The following MTERF1 variants were observed in gnomAD, a reference collection of about 807,000 sequenced individuals.
The protein encoded by MTERF1 is transcription termination factor 1, mitochondrial.
Under a neutral mutation model 31.6 loss-of-function variants are expected in MTERF1, and 29 were observed. The ratio of observed to expected loss-of-function variants is 0.92; its 90% CI spans 0.68 to 1.25. The LOEUF is 1.25. Ranked by LOEUF, MTERF1 falls within the 50% of genes most tolerant of loss-of-function variation. The pLI is 0.00. For synonymous variants in MTERF1, 152 were observed against 164.1 expected (o/e 0.93, Z 0.57); for missense variants, 500 against 469.1 (o/e 1.07, Z -0.61).
chr7:91,879,389 G>A (rs6943101), intron 2 of MTERF1, among the ~76,000 whole-genome samples: 5,665 of 152,096 alleles, frequency 0.037, 314 homozygotes, highest in African/African-American at 0.12. Context: ...TATTAAAGGC[G>A]GGGAGGGGGA....
Position 91,873,597 on chromosome 7 carries a change from G to T in MTERF1, c.1197C>A (p.Ala399=), listed in dbSNP as rs982111065. The part of the protein sequence containing the change: ...EAKLKKLSRF[A] ...AGAATTAAAAACATTGGCATCCTTA[G>T]GCAAATCTGCTTAACTTTTTCAATT... The change falls in exon 3 of 3, where the codon GCC becomes GCA. Residue 399 remains alanine (A), a synonymous_variant. Transcript: ENST00000351870. 6.3e-7 allele frequency: 1 copy of T among 1,599,792 alleles called. No individual in the cohort carries two copies. Among genetic ancestry groups the T allele is most frequent in the Non-Finnish European group, 8.5e-7 (1 of 1,174,114 alleles).
chr7:91,879,911 T>C lies in MTERF1; in HGVS notation c.29+144A>G, dbSNP rs1203260188. The C allele has an allele frequency of 1.1e-5, 9 of 850,096 alleles. No individual in the cohort carries two copies. In the African/African-American group the frequency reaches 1.2e-4, roughly 11 times the overall value. The allele number at this position is 850,096 out of a possible 1,614,324, so 52.7% of individuals were successfully genotyped here. A position where few individuals can be genotyped will look rare whatever the true frequency, so the allele number is the denominator to read the frequency against. ...AGTATGAGGGGTCTAAAAAAAGATT[T>C]ACGTTCGCCTCTGCCCCACAACTGG... On this transcript the variant is annotated intron_variant, in intron 2 of 2. Transcript: ENST00000351870.
In MTERF1 at chr7:91,873,794, A is replaced by G. The variant is rs376668678; in HGVS notation, c.1000T>C (p.Cys334Arg). 6 of 1,614,152 alleles carry G rather than the reference A, an allele frequency of 3.7e-6. No individual in the cohort carries two copies. The highest frequency in any genetic ancestry group is 3.3e-5 in the Admixed American group (2 of 60,020). Residue 334 changes from cysteine to arginine, a missense_variant, in exon 3 of 3, where the codon TGC becomes CGC. Physicochemically the swap from Cys to Arg is radical, Grantham distance 180. Transcript: ENST00000351870. Reference protein sequence around the residue: ...AEKKFNDKIDCLMEENISISQ... With the variant: ...AEKKFNDKIDRLMEENISISQ... ...ATGCTAATGTTTTCTTCCATGAGGC[A>G]GTCTATTTTATCATTAAACTTTTTC...
At chr7:91,879,955 A>T in intron 2 of MTERF1, 100 bp downstream of exon 2, 1 of 1,409,974 alleles carries the variant, frequency 7.1e-7, no homozygotes, top group South Asian at 1.2e-5. Flanking sequence ...AAAGGCTGTT[A>T]ATGGAAATAA....
At position 91,871,688 on chromosome 7, in the gene MTERF1, TGG is replaced by T. The variant is rs757826368; in HGVS notation, c.*1904_*1905del. The T allele has an allele frequency of 2.6e-5, 4 of 152,338 alleles. 1 individual carries two copies. 9.4% of individuals were successfully genotyped at this position (152,338 alleles called of 1,614,324 possible). Reference sequence around the variant, plus strand: ...AAACAGATTCATTTTTGCTTAGGCTTGGGGGAACAAATGGAGGGAAATAATGG... The same window carrying T: ...AAACAGATTCATTTTTGCTTAGGCTTGGGAACAAATGGAGGGAAATAATGG... On this transcript the variant is annotated 3_prime_UTR_variant, in exon 3 of 3. Transcript: ENST00000351870.
In MTERF1 at chr7:91,873,870, T is replaced by G; in HGVS notation, c.924A>C (p.Glu308Asp). ...EKLFSLGCTE[E>D]EVQKFVLSYP... ...AGCTTAAGACAAACTTCTGTACCTC[T>G]TCTTCAGTACATCCAAGAGAAAACA... The change falls in exon 3 of 3, where the codon GAA (glutamate) becomes GAC (aspartate). Residue 308 changes from glutamate to aspartate, a missense_variant. Transcript: ENST00000351870. The G allele has an allele frequency of 6.2e-7, 1 of 1,614,120 alleles. No homozygotes were observed.
intron 2 of MTERF1, among the ~76,000 whole-genome samples, chr7:91,877,445 G>A (rs747115223): frequency 1.3e-5 from 2 of 152,104 alleles, no homozygotes; most frequent in Non-Finnish European, 2.9e-5. Context: ...CCCCAAACTT[G>A]AGTATCTTTC....
intron 2 of MTERF1, among the ~76,000 whole-genome samples, chr7:91,879,519 C>T (rs1440645987): frequency 6.6e-6 from 1 of 152,042 alleles, no homozygotes; most frequent in Non-Finnish European, 1.5e-5. Context: ...ACTTTGCAGT[C>T]AGATGAAAAA....
intron 2 of MTERF1, among the ~76,000 whole-genome samples, chr7:91,876,641 G>A (rs1226578320): frequency 6.6e-6 from 1 of 152,106 alleles, no homozygotes; most frequent in Non-Finnish European, 1.5e-5. Context: ...TCACAGAATT[G>A]GGAAAAGATC....
intron 2 of MTERF1, chr7:91,877,020 A>C: frequency 1.3e-6 from 1 of 757,166 alleles, no homozygotes. Flanking sequence ...GAGGAAGAAA[A>C]TAGTTAAAAC....
In MTERF1 at chr7:91,872,852, C is replaced by A. The variant is rs1219750042; in HGVS notation, c.*742G>T. The A allele has an allele frequency of 6.6e-6, 1 of 152,088 alleles. No homozygotes were observed. The highest frequency in any genetic ancestry group is 1.5e-5 in the Non-Finnish European group (1 of 68,000). 9.4% of individuals were successfully genotyped at this position (152,088 alleles called of 1,614,324 possible). The stretch of plus-strand genomic sequence containing the variant: ...TCTTTAATATTAGCTGAAATGCCAA[C>A]AAAATGCACAGAAATGATTATCATT... On this transcript the variant is annotated 3_prime_UTR_variant, in exon 3 of 3. Transcript: ENST00000351870.
rs1361514628 is a variant in MTERF1 at position 91,872,619 on chromosome 7, T to C, written c.*975A>G. The C allele has an allele frequency of 6.6e-6, 1 of 152,212 alleles. No individual in the cohort carries two copies. Among genetic ancestry groups the C allele is most frequent in the Non-Finnish European group, 1.5e-5 (1 of 68,042 alleles). 9.4% of individuals were successfully genotyped at this position (152,212 alleles called of 1,614,324 possible). A position where few individuals can be genotyped will look rare whatever the true frequency, so the allele number is the denominator to read the frequency against. On this transcript the variant is annotated 3_prime_UTR_variant, in exon 3 of 3. Coordinates refer to ENST00000351870, the MANE Select transcript of MTERF1 (RefSeq NM_006980.5). Reference sequence around the variant, plus strand: ...ATAAGGTTTTTTGAAGTATCACTGATAGCAAATGAGGTTTAAAAGGTTGAG... The same window carrying C: ...ATAAGGTTTTTTGAAGTATCACTGACAGCAAATGAGGTTTAAAAGGTTGAG...
chr7:91,880,085 C>T lies in MTERF1; in HGVS notation c.-2G>A. On this transcript the variant is annotated 5_prime_UTR_variant, in exon 2 of 3. Coordinates refer to ENST00000351870, the MANE Select transcript of MTERF1 (RefSeq NM_006980.5). ...TTGTCCTAAGGAAAGGCTCTGCATCCCTCCAGAAAGGCTGGAGAACAGCTA... is the reference window on the plus strand; with the variant it reads ...TTGTCCTAAGGAAAGGCTCTGCATCTCTCCAGAAAGGCTGGAGAACAGCTA... 1 of 1,613,942 alleles carries T rather than the reference C, an allele frequency of 6.2e-7. No individual in the cohort carries two copies. Among genetic ancestry groups the T allele is most frequent in the South Asian group, 1.1e-5 (1 of 91,056 alleles).
Position 91,874,849 on chromosome 7 carries a change from G to T in MTERF1, c.30-85C>A, listed in dbSNP as rs1789304170. On this transcript the variant is annotated intron_variant, in intron 2 of 2. Coordinates refer to ENST00000351870, the MANE Select transcript of MTERF1 (RefSeq NM_006980.5). ...ATATTACAATCCTATAAGCATCATG[G>T]TCATTTCTATGAGAATATACCTTCA... The T allele has an allele frequency of 5.2e-6, 5 of 970,548 alleles. No homozygotes were observed. The East Asian group carries it at 1.3e-4, about 25-fold the overall frequency. The allele number at this position is 970,548 out of a possible 1,614,324, so 60.1% of individuals were successfully genotyped here.
chr7:91,874,264 T>C lies in MTERF1; in HGVS notation c.530A>G (p.Glu177Gly), dbSNP rs1388429054. 1.9e-6 allele frequency: 3 copies of C among 1,614,018 alleles called. No individual in the cohort carries two copies. The highest frequency in any genetic ancestry group is 1.7e-5 in the Admixed American group (1 of 59,996). Residue 177 changes from glutamate to glycine, a missense_variant, in exon 3 of 3, where the codon GAG (glutamate) becomes GGG (glycine). Coordinates refer to ENST00000351870, the MANE Select transcript of MTERF1 (RefSeq NM_006980.5). ...FFRSNNNLNL[E>G]NNIKFLYSVG... The stretch of plus-strand genomic sequence containing the variant: ...TGAGTAGAGGAACTTTATATTATTC[T>C]CTAAGTTTAGGTTGTTATTGGACCG...
intron 2 of MTERF1, among the ~76,000 whole-genome samples, chr7:91,877,195 T>C (rs1276071807): frequency 6.6e-6 from 1 of 152,230 alleles, no homozygotes; most frequent in African/African-American, 2.4e-5. Flanking sequence ...GTGTGAAGAC[T>C]ACTAGACAGT....
Position 91,874,759 on chromosome 7 carries a change from G to A in MTERF1, c.35C>T (p.Ser12Leu), listed in dbSNP as rs756157238. The A allele has an allele frequency of 2.5e-6, 4 of 1,594,868 alleles. No homozygotes were observed. The Admixed American group carries it at 7.0e-5, about 28-fold the overall frequency. The change falls in exon 3 of 3, where the codon TCA becomes TTA. Residue 12 changes from serine (S) to leucine (L), a missense_variant. Transcript: ENST00000351870. ...QSLSLGQTSISKGLNYLTIMA... is the reference protein window; with the variant it reads ...QSLSLGQTSILKGLNYLTIMA... ...AATGGTTAGGTAGTTCAAACCTTTT[G>A]AAATGCTGTGTAAAACAACACATAA...
chr7:91,878,324 A>G (rs1789396331), intron 2 of MTERF1, among the ~76,000 whole-genome samples: 1 of 152,214 alleles, frequency 6.6e-6, no homozygotes, highest in South Asian at 2.1e-4. Flanking sequence ...TCTTGATTAC[A>G]ATACTAAAAT....
chr7:91,873,249 T>C lies in MTERF1; in HGVS notation c.*345A>G, dbSNP rs532777281. 15 of 177,738 alleles carry C rather than the reference T, an allele frequency of 8.4e-5. No individual in the cohort carries two copies. In the South Asian group the frequency reaches 2.5e-3, roughly 29 times the overall value. The allele number at this position is 177,738 out of a possible 1,614,324, so 11.0% of individuals were successfully genotyped here. Reference sequence around the variant, plus strand: ...AAAGGTGCCAGCAAGGCTGCATTCCTTTCTGGGGACTCTAATGGAGAATCT... The same window carrying C: ...AAAGGTGCCAGCAAGGCTGCATTCCCTTCTGGGGACTCTAATGGAGAATCT... On this transcript the variant is annotated 3_prime_UTR_variant, in exon 3 of 3. Coordinates refer to ENST00000351870, the MANE Select transcript of MTERF1 (RefSeq NM_006980.5).
Sources: allele counts gnomAD v4.1 joint callset (sites outside exome capture counted in the v4.1 genomes callset), GRCh38; gene constraint gnomAD v4.1.1; transcripts MANE v1.5; gene names NCBI Gene and HGNC (gene_info 2026-07-23, HGNC 2026-07-21).